PREX1: variants seen among roughly 807,000 people sequenced by gnomAD.
PREX1 encodes the protein phosphatidylinositol 3,4,5-trisphosphate-dependent Rac exchanger 1 protein.
Under a neutral mutation model 198.3 loss-of-function variants are expected in PREX1, and 41 were observed. That is an observed-to-expected ratio of 0.21 (90% CI 0.16 to 0.27). The LOEUF (loss-of-function observed/expected upper bound fraction) is 0.27, where lower values mean the gene tolerates loss of function less well. Among genes scored for constraint, PREX1 ranks in the 10% least tolerant of loss-of-function variants. PREX1 has a pLI of 1.00. For synonymous variants in PREX1, 843 were observed against 887.2 expected, an observed-to-expected ratio of 0.95 and a Z score of 0.89; for missense variants, 1,620 against 2,200.7, an observed-to-expected ratio of 0.74 and a Z score of 5.28.
Position 48,710,008 on chromosome 20 carries a change from C to G in PREX1, c.622-1587G>C, listed in dbSNP as rs922757995. Among the ~76,000 whole-genome samples, 3 of 152,318 alleles carry G rather than the reference C, an allele frequency of 2.0e-5. No homozygotes were observed. The South Asian group carries it at 6.2e-4, about 32-fold the overall frequency. On this transcript the variant is annotated intron_variant, in intron 5 of 39. Transcript: ENST00000371941. ...CCCCTGGGACTTTGCTGAGCTCTTG[C>G]CACGCACCCAGGCAATGTGCCCAAA...
At chr20:48,843,443 T>C in the PREX1 span, among the ~76,000 whole-genome samples, 2 of 152,170 alleles carry the variant, frequency 1.3e-5, no homozygotes. Flanking sequence ...GCCCCAGTAC[T>C]ACAAGAAGAG....
intron 1 of PREX1, among the ~76,000 whole-genome samples, chr20:48,789,471 C>G (rs2090327574): frequency 6.6e-6 from 1 of 152,184 alleles, no homozygotes; most frequent in African/African-American, 2.4e-5. Context: ...TAATACAACA[C>G]CCTTAGCAGT....
At chr20:48,864,963 AAC>A in the PREX1 span, among the ~76,000 whole-genome samples, 4 of 152,120 alleles carry the variant, frequency 2.6e-5, no homozygotes, top group African/African-American at 9.7e-5. Flanking sequence ...TGACCAGGAG[AAC>A]AGAGTCACTG....
chr20:48,661,184 C>T (rs910930824), intron 15 of PREX1, among the ~76,000 whole-genome samples: 11 of 151,600 alleles, frequency 7.3e-5, no homozygotes, highest in African/African-American at 2.7e-4. Flanking sequence ...TTTGAGAGGT[C>T]GAGGCAGGCA....
chr20:48,788,059 G>C (rs1398465035), intron 1 of PREX1, among the ~76,000 whole-genome samples: 1 of 152,320 alleles, frequency 6.6e-6, no homozygotes, highest in Non-Finnish European at 1.5e-5. Context: ...TCCAGCCCTA[G>C]AGCGGGGGAC....
chr20:48,782,655 T>A (rs374184115), intron 1 of PREX1, among the ~76,000 whole-genome samples: 1 of 152,070 alleles, frequency 6.6e-6, no homozygotes, highest in East Asian at 1.9e-4. Flanking sequence ...AGGGAAAATT[T>A]GAGCACAGAA....
chr20:48,633,928 C>T (rs566306037), intron 33 of PREX1, among the ~76,000 whole-genome samples: 126 of 152,342 alleles, frequency 8.3e-4, no homozygotes, highest in Non-Finnish European at 1.5e-3. Flanking sequence ...CTGACATATA[C>T]TATGTGCTCA....
chr20:48,807,656 C>A (rs1426129606), intron 1 of PREX1, among the ~76,000 whole-genome samples: 5 of 146,916 alleles, frequency 3.4e-5, no homozygotes, highest in Non-Finnish European at 7.6e-5. Flanking sequence ...AAAGACACTG[C>A]CAATGTATTT....
rs746158805 is a variant in PREX1 at position 48,655,301 on chromosome 20, G to C, written c.2198C>G (p.Ala733Gly). The change falls in exon 19 of 40, where the codon GCT becomes GGT. Residue 733 changes from alanine (A) to glycine (G), a missense_variant. Ala to Gly is a moderately conservative substitution (Grantham distance 60). Coordinates refer to ENST00000371941, the MANE Select transcript of PREX1 (RefSeq NM_020820.4). The stretch of plus-strand genomic sequence containing the variant: ...AGGCTCCCACTCACCTCTCCCCACA[G>C]CATAGACGTACGGTGGGGCAGCTCC... ...IRGAAPPYVY[A>G]VGRGSEAMAA... 22 of 1,584,356 alleles carry C rather than the reference G, an allele frequency of 1.4e-5. No individual in the cohort carries two copies. Among genetic ancestry groups the C allele is most frequent in the Non-Finnish European group, 1.9e-5 (22 of 1,156,628 alleles).
chr20:48,757,062 T>C (rs2090158780), intron 1 of PREX1, among the ~76,000 whole-genome samples: 1 of 152,102 alleles, frequency 6.6e-6, no homozygotes, highest in South Asian at 2.1e-4. Flanking sequence ...CCATGACACA[T>C]GGGAATTATG....
rs1230440589 is a variant in PREX1 at position 48,666,209 on chromosome 20, C to T, written c.1738+74G>A. The T allele has an allele frequency of 1.4e-6, 2 of 1,446,724 alleles. No homozygotes were observed. Among genetic ancestry groups the T allele is most frequent in the East Asian group, 5.0e-5 (2 of 40,204 alleles). 89.6% of individuals were successfully genotyped at this position (1,446,724 alleles called of 1,614,324 possible). ...GAGAGCCACAGACCTGGCTTCAGTC[C>T]TCCCATACTCCCCCAAACCATCAGC... On this transcript the variant is annotated intron_variant, in intron 15 of 39. Transcript: ENST00000371941. The surrounding 1 kb of genome is among the most constrained non-coding windows in gnomAD (Gnocchi z 4.3).
At chr20:48,670,193 C>G (rs1432364611) in intron 14 of PREX1, among the ~76,000 whole-genome samples, 1 of 152,118 alleles carries the variant, frequency 6.6e-6, no homozygotes, top group Non-Finnish European at 1.5e-5. Context: ...AGGTTAGTTG[C>G]CTAGGGTTGC....
At chr20:48,831,543 T>A (rs561558587), upstream of PREX1, among the ~76,000 whole-genome samples, 36 of 152,198 alleles carry the variant, frequency 2.4e-4, no homozygotes, top group Non-Finnish European at 4.1e-4. Context: ...TAGGTGAGGA[T>A]GAAGACAAGT....
chr20:48,755,983 C>G (rs1196583273), intron 1 of PREX1, among the ~76,000 whole-genome samples: 1 of 152,212 alleles, frequency 6.6e-6, no homozygotes, highest in Non-Finnish European at 1.5e-5. Flanking sequence ...ATCACCTGCC[C>G]CAATCATCAG....
chr20:48,729,206 AGCT>A (rs2090023148), intron 4 of PREX1, among the ~76,000 whole-genome samples: 6 of 151,984 alleles, frequency 3.9e-5, no homozygotes, highest in Non-Finnish European at 7.4e-5. Flanking sequence ...TCTCCTGAGT[AGCT>A]GGGATTACAG....
chr20:48,870,479 C>A, the PREX1 span, among the ~76,000 whole-genome samples: 3 of 152,192 alleles, frequency 2.0e-5, no homozygotes, highest in African/African-American at 7.2e-5. Context: ...GATCCCTCAA[C>A]TTTGGCAGTG....
chr20:48,646,403 C>T (rs1326067889), intron 25 of PREX1, among the ~76,000 whole-genome samples: 5 of 152,208 alleles, frequency 3.3e-5, no homozygotes, highest in Non-Finnish European at 5.9e-5. Context: ...AAACAATCAG[C>T]TGGGCGCAGT....
intron 6 of PREX1, 35 bp from the exon 7 acceptor site, chr20:48,700,921 A>G: frequency 6.2e-7 from 1 of 1,612,404 alleles, no homozygotes; most frequent in Middle Eastern, 1.7e-4. Flanking sequence ...GAATGAGCCA[A>G]CCCAGGAACA....
intron 16 of PREX1, among the ~76,000 whole-genome samples, chr20:48,658,641 G>A (rs1173052114): frequency 6.6e-6 from 1 of 152,204 alleles, no homozygotes; most frequent in East Asian, 1.9e-4. Context: ...CATGGGTGCT[G>A]GAGACACCAT....
Sources: gnomAD v4.1 joint callset for allele counts (sites outside exome capture counted in the v4.1 genomes callset) on GRCh38, gnomAD v4.1.1 for gene constraint, Gnocchi (gnomAD v3.1) non-coding constraint, MANE v1.5 for transcripts, NCBI Gene and HGNC (gene_info 2026-07-23, HGNC 2026-07-21) for gene names.